The following ZNF385D variants were observed in gnomAD, a reference collection of about 807,000 sequenced individuals.
The protein encoded by ZNF385D is zinc finger protein 385D.
A neutral mutation model predicts 35.8 loss-of-function variants in ZNF385D; 15 were observed. The ratio of observed to expected loss-of-function variants is 0.42; its 90% CI spans 0.28 to 0.64. The LOEUF (loss-of-function observed/expected upper bound fraction) is 0.64. Ranked by LOEUF, ZNF385D falls within the 30% of genes least tolerant of loss-of-function variation. The probability of loss-of-function intolerance (pLI) is 0.23; values close to 1 mark genes in which losing one functional copy is unlikely to be tolerated. For synonymous variants in ZNF385D, 212 were observed against 186.8 expected (o/e 1.13, Z -1.10); for missense variants, 474 against 494.6 (o/e 0.96, Z 0.39).
At chr3:21,934,770 C>G (rs1025541805) in intron 3 of ZNF385D, among the ~76,000 whole-genome samples, 1 of 152,194 alleles carries the variant, frequency 6.6e-6, no homozygotes, top group African/African-American at 2.4e-5. Context: ...GCTGCTTTGG[C>G]TGGCAGCTTG....
intron 3 of ZNF385D, among the ~76,000 whole-genome samples, chr3:21,796,619 AGGT>A (rs1404405466): frequency 7.9e-5 from 12 of 152,210 alleles, no homozygotes; most frequent in African/African-American, 2.4e-4. Context: ...AATAAACTAA[AGGT>A]GGATCACAGA....
intron 3 of ZNF385D, among the ~76,000 whole-genome samples, chr3:21,993,316 T>A (rs1053789775): frequency 5.9e-5 from 9 of 152,168 alleles, no homozygotes; most frequent in Non-Finnish European, 1.2e-4. Context: ...TGAGTTGTTT[T>A]AAAAAAGTTT....
chr3:21,878,407 T>A (rs1223697584), intron 3 of ZNF385D, among the ~76,000 whole-genome samples: 1 of 152,072 alleles, frequency 6.6e-6, no homozygotes, highest in Non-Finnish European at 1.5e-5. Flanking sequence ...TCATGAGTGC[T>A]ACAGCAGTAT....
intron 3 of ZNF385D, among the ~76,000 whole-genome samples, chr3:21,948,222 AT>A (rs913262950): frequency 6.6e-5 from 10 of 151,262 alleles, no homozygotes; most frequent in African/African-American, 2.0e-4. Flanking sequence ...AATGGCCCTC[AT>A]TTTTTTTACA....
intron 3 of ZNF385D, among the ~76,000 whole-genome samples, chr3:22,120,728 A>G (rs114143925): frequency 2.5e-3 from 381 of 152,310 alleles, no homozygotes; most frequent in African/African-American, 8.8e-3. Context: ...ACTTATTTCA[A>G]TTAATACTAA....
Position 21,424,004 on chromosome 3 carries a change from T to C in ZNF385D, c.913A>G (p.Ser305Gly), listed in dbSNP as rs750734033. ...AAGKPPKPKY[S>G]PYNKLQKTAH... ...GTCTTCTGTAGTTTGTTGTAAGGAC[T>C]GTATTTAGGTTTCGGGGGCTTCCCA... Residue 305 changes from serine (S) to glycine (G), a missense_variant, in exon 7 of 8, where the codon AGT becomes GGT. Transcript: ENST00000281523. 23 of 1,607,662 alleles carry C rather than the reference T, an allele frequency of 1.4e-5. No individual in the cohort carries two copies. Among genetic ancestry groups the C allele is most frequent in the South Asian group, 6.7e-5 (6 of 90,096 alleles).
At chr3:22,087,480 T>C (rs906404648) in intron 3 of ZNF385D, among the ~76,000 whole-genome samples, 1 of 152,174 alleles carries the variant, frequency 6.6e-6, no homozygotes, top group African/African-American at 2.4e-5. Context: ...GAAAGGATGA[T>C]GCTTTCTCCT....
At chr3:22,191,280 C>T (rs1379349007) in intron 2 of ZNF385D, among the ~76,000 whole-genome samples, 1 of 152,080 alleles carries the variant, frequency 6.6e-6, no homozygotes, top group Non-Finnish European at 1.5e-5. Flanking sequence ...CACCTGACGT[C>T]AGGGGTTTGA....
chr3:21,576,120 T>A (rs927704104), intron 2 of ZNF385D, among the ~76,000 whole-genome samples: 1 of 152,136 alleles, frequency 6.6e-6, no homozygotes, highest in Non-Finnish European at 1.5e-5. Flanking sequence ...AACTAAACAG[T>A]GGAGCAGTTG....
intron 3 of ZNF385D, among the ~76,000 whole-genome samples, chr3:22,084,315 G>A (rs1004141241): frequency 2.0e-5 from 3 of 152,156 alleles, no homozygotes; most frequent in African/African-American, 7.2e-5. Context: ...ACTCATCAGT[G>A]TACTGTATTC....
At chr3:22,042,793 C>T (rs2125508192) in intron 3 of ZNF385D, among the ~76,000 whole-genome samples, 1 of 152,126 alleles carries the variant, frequency 6.6e-6, no homozygotes, top group East Asian at 1.9e-4. Context: ...TTGCTTATAG[C>T]TCAGAATCAA....
intron 3 of ZNF385D, among the ~76,000 whole-genome samples, chr3:21,879,733 G>T (rs1209460183): frequency 6.6e-6 from 1 of 152,018 alleles, no homozygotes; most frequent in Non-Finnish European, 1.5e-5. Flanking sequence ...AAGGGCACCA[G>T]AGAGTCCTCA....
intron 2 of ZNF385D, among the ~76,000 whole-genome samples, chr3:22,301,090 T>C (rs1702875810): frequency 6.6e-6 from 1 of 151,986 alleles, no homozygotes. Flanking sequence ...CAGTGTAATA[T>C]TATGCAGCCC....
rs879389353 is a variant in ZNF385D at position 21,634,376 on chromosome 3, GGAAA to G, written c.165+30506_165+30509del. ...GAAAAGAAAAAAAGAAAGGAAGGAA[GGAAA>G]GAAAGGAACGAAAGAGAAGAAAGGG... On this transcript the variant is annotated intron_variant, in intron 2 of 7. Transcript: ENST00000281523. Among the ~76,000 whole-genome samples, 137 of 149,578 alleles carry G rather than the reference GGAAA, an allele frequency of 9.2e-4. 1 individual carries two copies. Among genetic ancestry groups the G allele is most frequent in the African/African-American group, 2.7e-3 (111 of 40,602 alleles).
chr3:21,592,022 T>C (rs1201070246), intron 2 of ZNF385D, among the ~76,000 whole-genome samples: 1 of 152,186 alleles, frequency 6.6e-6, no homozygotes, highest in Non-Finnish European at 1.5e-5. Context: ...CAGTGAGATA[T>C]GTTAGTTAAT....
At chr3:22,046,535 C>G (rs1699017425) in intron 3 of ZNF385D, among the ~76,000 whole-genome samples, 2 of 152,260 alleles carry the variant, frequency 1.3e-5, no homozygotes, top group African/African-American at 4.8e-5. Context: ...AGAGCTACCA[C>G]TGAAGAAAAG....
At chr3:21,977,933 C>G (rs954038540) in intron 3 of ZNF385D, among the ~76,000 whole-genome samples, 1 of 152,168 alleles carries the variant, frequency 6.6e-6, no homozygotes, top group Non-Finnish European at 1.5e-5. Context: ...GGCAAGCACA[C>G]TGCCCCACCA....
intron 1 of ZNF385D, among the ~76,000 whole-genome samples, chr3:21,703,704 C>G (rs934942914): frequency 2.0e-5 from 3 of 151,842 alleles, no homozygotes; most frequent in Non-Finnish European, 4.4e-5. Context: ...AAAGACACCA[C>G]TGTAGTTCTT....
intron 1 of ZNF385D, among the ~76,000 whole-genome samples, chr3:21,675,207 A>T (rs918747836): frequency 3.3e-5 from 5 of 152,090 alleles, no homozygotes; most frequent in Non-Finnish European, 7.4e-5. Context: ...TCAGAAAAAT[A>T]AATGGCCCAA....
Sources: allele counts gnomAD v4.1 joint callset (sites outside exome capture counted in the v4.1 genomes callset), GRCh38; gene constraint gnomAD v4.1.1; transcripts MANE v1.5; gene names NCBI Gene and HGNC (gene_info 2026-07-23, HGNC 2026-07-21).